The following ATRNL1 variants were observed in gnomAD, a reference collection of about 807,000 sequenced individuals.
The protein encoded by ATRNL1 is attractin-like protein 1.
Under a neutral mutation model 182.7 loss-of-function variants are expected in ATRNL1, and 95 were observed. The observed-to-expected ratio is 0.52, with a 90% CI of 0.44 to 0.62. ATRNL1 has a LOEUF of 0.62. Among genes scored for constraint, ATRNL1 ranks in the 20% least tolerant of loss-of-function variants. ATRNL1 has a pLI of 0.00. For missense variants in ATRNL1, 1,471 were observed against 1,679.5 expected (o/e 0.88, Z 2.17); for synonymous variants, 576 against 568.3 (o/e 1.01, Z -0.19).
rs1228705179 is a variant in ATRNL1, at chr10:115,093,983, C to T, written c.233C>T (p.Thr78Ile). 51 of 1,585,626 alleles carry T rather than the reference C, an allele frequency of 3.2e-5. No individual in the cohort carries two copies. Among genetic ancestry groups the T allele is most frequent in the Non-Finnish European group, 4.1e-5 (48 of 1,167,626 alleles). ...TTCTCGGGCCGCTGTGTCAACTCCA[C>T]CTGCCTCTGCGACCCGGGCTGGGTG... is the stretch of plus-strand genomic sequence containing the variant. ...SCFSGRCVNS[T>I]CLCDPGWVGD... is the part of the protein sequence containing the mutation. The change falls in exon 1 of 29, where the codon ACC becomes ATC. Residue 78 changes from threonine (T) to isoleucine (I), a missense_variant. By Grantham distance (89) the Thr-to-Ile change is moderately conservative (BLOSUM62 -1). Coordinates refer to ENST00000355044, the MANE Select transcript of ATRNL1 (RefSeq NM_207303.4). The surrounding 1 kb of genome is among the most constrained non-coding windows in gnomAD (Gnocchi z 6.1).
intron 18 of ATRNL1, among the ~76,000 whole-genome samples, chr10:115,333,023 G>A (rs1855305461): frequency 6.6e-6 from 1 of 152,078 alleles, no homozygotes; most frequent in South Asian, 2.1e-4. Context: ...GCCAAGGCAT[G>A]GTGTTTACAG....
chr10:115,442,303 C>CTCTCTCTCTGTGTG (rs782157017), intron 21 of ATRNL1, among the ~76,000 whole-genome samples: 6 of 123,762 alleles, frequency 4.8e-5, no homozygotes, highest in Admixed American at 3.3e-4. Flanking sequence ...CTCTCTCTCT[C>CTCTCTCTCTGTGTG]TGTGTGTATG....
intron 28 of ATRNL1, among the ~76,000 whole-genome samples, chr10:115,896,989 G>T (rs1290282138): frequency 1.5e-4 from 23 of 152,242 alleles, no homozygotes; most frequent in African/African-American, 5.5e-4. Context: ...CCAAACCTCA[G>T]TGAAAGACTA....
intron 8 of ATRNL1, among the ~76,000 whole-genome samples, chr10:115,210,663 A>T (rs569488428): frequency 3.3e-5 from 5 of 151,406 alleles, no homozygotes; most frequent in African/African-American, 1.2e-4. Context: ...TTTTCTCTTT[A>T]CTTGCTTCCT....
At chr10:115,345,075 G>A (rs1554939356) in intron 19 of ATRNL1, among the ~76,000 whole-genome samples, 2 of 152,214 alleles carry the variant, frequency 1.3e-5, no homozygotes, top group African/African-American at 4.8e-5. Context: ...TAGAGGAGAG[G>A]CAATGCCAGT....
chr10:115,349,182 G>T (rs1430739255), intron 19 of ATRNL1, among the ~76,000 whole-genome samples: 3 of 152,060 alleles, frequency 2.0e-5, no homozygotes, highest in Non-Finnish European at 4.4e-5. Flanking sequence ...AATTGTTTTA[G>T]CTCCCACATA....
intron 28 of ATRNL1, among the ~76,000 whole-genome samples, chr10:115,851,964 T>G (rs1951067252): frequency 6.6e-6 from 1 of 152,098 alleles, no homozygotes; most frequent in Non-Finnish European, 1.5e-5. Flanking sequence ...TCCCCAAGCG[T>G]TTTAGAGGCA....
intron 13 of ATRNL1, among the ~76,000 whole-genome samples, chr10:115,278,509 C>T (rs902775676): frequency 1.3e-5 from 2 of 152,310 alleles, no homozygotes; most frequent in Non-Finnish European, 2.9e-5. Flanking sequence ...CCTATTTGGG[C>T]ATGGTGTGAT....
chr10:115,484,219 A>C (rs2184706), intron 24 of ATRNL1, among the ~76,000 whole-genome samples: 29,672 of 151,264 alleles, frequency 0.2, 3,085 homozygotes, highest in South Asian at 0.24. Context: ...GTATTCTGCA[A>C]ATTACCAAAT....
At chr10:115,553,016 A>G (rs970942919) in intron 26 of ATRNL1, among the ~76,000 whole-genome samples, 2 of 151,452 alleles carry the variant, frequency 1.3e-5, no homozygotes, top group South Asian at 2.1e-4. Context: ...AGGAGCAAGT[A>G]TATGTAAAAA....
intron 19 of ATRNL1, among the ~76,000 whole-genome samples, chr10:115,392,702 G>T (rs1210124235): frequency 6.6e-6 from 1 of 152,040 alleles, no homozygotes; most frequent in Non-Finnish European, 1.5e-5. Flanking sequence ...AAATGTCTTT[G>T]GGGGCTCTTC....
intron 20 of ATRNL1, among the ~76,000 whole-genome samples, chr10:115,411,489 G>A (rs1338741212): frequency 1.3e-5 from 2 of 151,944 alleles, no homozygotes; most frequent in East Asian, 3.9e-4. Flanking sequence ...TTCCATGAAA[G>A]TCCAGCTGCT....
chr10:115,739,279 TAGCATAA>T (rs1358403799), intron 27 of ATRNL1, among the ~76,000 whole-genome samples: 4 of 152,324 alleles, frequency 2.6e-5, no homozygotes, highest in African/African-American at 9.6e-5. Flanking sequence ...TGAATCAATC[TAGCATAA>T]ACTATTTTTA....
chr10:115,436,023 G>A (rs1459785580), intron 21 of ATRNL1, among the ~76,000 whole-genome samples: 1 of 152,012 alleles, frequency 6.6e-6, no homozygotes, highest in Non-Finnish European at 1.5e-5. Flanking sequence ...TATTGTTGGG[G>A]TACTTGAGCA....
chr10:115,360,109 C>G (rs1186432478), intron 19 of ATRNL1, among the ~76,000 whole-genome samples: 1 of 151,168 alleles, frequency 6.6e-6, no homozygotes, highest in African/African-American at 2.4e-5. Context: ...ATGGAATAAT[C>G]GTTTATTTCA....
intron 9 of ATRNL1, among the ~76,000 whole-genome samples, chr10:115,223,812 T>C (rs1554897986): frequency 2.0e-5 from 3 of 149,344 alleles, no homozygotes; most frequent in African/African-American, 7.4e-5. Flanking sequence ...TTTTGGTGAT[T>C]ACATAAAAAT....
intron 28 of ATRNL1, among the ~76,000 whole-genome samples, chr10:115,849,550 C>T (rs542794932): frequency 9.9e-5 from 15 of 152,168 alleles, no homozygotes; most frequent in Admixed American, 2.6e-4. Context: ...GAACCATTAC[C>T]TCAGCTGTGT....
At chr10:115,470,880 A>G (rs185950058) in intron 24 of ATRNL1, among the ~76,000 whole-genome samples, 42 of 150,918 alleles carry the variant, frequency 2.8e-4, no homozygotes, top group African/African-American at 9.9e-4. Context: ...GTATTAATAT[A>G]TGTGTTTATT....
chr10:115,379,721 G>A (rs1203765709), intron 19 of ATRNL1, among the ~76,000 whole-genome samples: 1 of 152,120 alleles, frequency 6.6e-6, no homozygotes, highest in Non-Finnish European at 1.5e-5. Context: ...TCTCTGCCTT[G>A]TGTTTCACTC....
Sources: gnomAD v4.1 joint callset for allele counts (sites outside exome capture counted in the v4.1 genomes callset) on GRCh38, gnomAD v4.1.1 for gene constraint, Gnocchi (gnomAD v3.1) non-coding constraint, MANE v1.5 for transcripts, NCBI Gene and HGNC (gene_info 2026-07-23, HGNC 2026-07-21) for gene names.